The following HDLBP variants were observed in gnomAD, a reference collection of about 807,000 sequenced individuals.
HDLBP encodes the protein high density lipoprotein binding protein.
A neutral mutation model predicts 137.3 loss-of-function variants in HDLBP; 30 were observed. That is an observed-to-expected ratio of 0.22 (90% CI 0.16 to 0.30). The LOEUF (loss-of-function observed/expected upper bound fraction) is 0.30, where lower values mean the gene tolerates loss of function less well. Among genes scored for constraint, HDLBP ranks in the 10% least tolerant of loss-of-function variants. The pLI, the probability that HDLBP is intolerant of heterozygous loss-of-function variation, is 1.00. For missense variants in HDLBP, 1,119 were observed against 1,667.3 expected (o/e 0.67, Z 5.73); for synonymous variants, 606 against 596.0 (o/e 1.02, Z -0.24).
intron 21 of HDLBP, chr2:241,236,401 A>G: frequency 1.7e-6 from 1 of 584,114 alleles, no homozygotes; most frequent in Non-Finnish European, 3.0e-6. Context: ...GAAAGGGGCT[A>G]TAGAACCCCG....
At chr2:241,252,868 C>A in intron 11 of HDLBP, 89 bp downstream of exon 11, 1 of 848,546 alleles carries the variant, frequency 1.2e-6, no homozygotes, top group South Asian at 1.5e-5. Context: ...CCTGGACTGT[C>A]TGCACGGACG....
chr2:241,264,439 T>C lies in HDLBP; in HGVS notation c.234+9A>G. 6.4e-7 allele frequency: 1 copy of C among 1,570,664 alleles called. No homozygotes were observed. Among genetic ancestry groups the C allele is most frequent in the South Asian group, 1.2e-5 (1 of 85,942 alleles). ...ATAAAATTTTTAAAAGAAAGAATGG[T>C]GTTTCTACCTGAGTGATGACAGAAG... is the stretch of plus-strand genomic sequence containing the variant. On this transcript the variant is annotated intron_variant, in intron 4 of 27. Coordinates refer to ENST00000310931, the MANE Select transcript of HDLBP (RefSeq NM_005336.6).
At position 241,230,692 on chromosome 2, in the gene HDLBP, T is replaced by A; in HGVS notation, c.3474+67A>T. 1 of 1,417,328 alleles carries A rather than the reference T, an allele frequency of 7.1e-7. No homozygotes were observed. Among genetic ancestry groups the A allele is most frequent in the Non-Finnish European group, 9.8e-7 (1 of 1,015,978 alleles). The allele number at this position is 1,417,328 out of a possible 1,614,324, so 87.8% of individuals were successfully genotyped here. A position where few individuals can be genotyped will look rare whatever the true frequency, so the allele number is the denominator to read the frequency against. On this transcript the variant is annotated intron_variant, in intron 25 of 27. Coordinates refer to ENST00000310931, the MANE Select transcript of HDLBP (RefSeq NM_005336.6). This position sits in a 1 kb window ranked among gnomAD's most constrained non-coding sequence, Gnocchi z 5.0. The stretch of plus-strand genomic sequence containing the variant: ...GAGGGGAAGGCCATGCCCTGCTCTT[T>A]CTTCTGGCCAGCCAGGTGCCCCCGG...
rs2071966824 is a variant in HDLBP at position 241,249,698 on chromosome 2, G to T, written c.1512+143C>A. On this transcript the variant is annotated intron_variant, in intron 12 of 27. Transcript: ENST00000310931. ...GGAGGATAAAGGAAATGTGGCCCCA[G>T]GGAGTCCAATCCGGTTCCAGTGCAA... 12 of 738,898 alleles carry T rather than the reference G, an allele frequency of 1.6e-5. No homozygotes were observed. In the South Asian group the frequency reaches 2.2e-4, roughly 14 times the overall value. The allele number at this position is 738,898 out of a possible 1,614,324, so 45.8% of individuals were successfully genotyped here.
In HDLBP at chr2:241,245,557, T is replaced by C. The variant is rs188718813; in HGVS notation, c.1950+1195A>G. Among the ~76,000 whole-genome samples, 10 of 152,284 alleles carry C rather than the reference T, an allele frequency of 6.6e-5. No homozygotes were observed. In the East Asian group the frequency reaches 1.7e-3, roughly 26 times the overall value. On this transcript the variant is annotated intron_variant, in intron 16 of 27. Coordinates refer to ENST00000310931, the MANE Select transcript of HDLBP (RefSeq NM_005336.6). ...GGCTCACACCTGTAATCCCAGCAGT[T>C]TGGAAGGCCAAGGCGAGAGGATCAC...
At chr2:241,299,400 C>T (rs185507141) in intron 1 of HDLBP, among the ~76,000 whole-genome samples, 212 of 150,414 alleles carry the variant, frequency 1.4e-3, no homozygotes, top group Non-Finnish European at 2.7e-3. Context: ...ATCTGTAGTA[C>T]CAGCTACTCG....
Position 241,230,669 on chromosome 2 carries a change from G to T in HDLBP, c.3474+90C>A. 1 of 1,125,426 alleles carries T rather than the reference G, an allele frequency of 8.9e-7. No individual in the cohort carries two copies. The highest frequency in any genetic ancestry group is 1.3e-6 in the Non-Finnish European group (1 of 768,690). The allele number at this position is 1,125,426 out of a possible 1,614,324, so 69.7% of individuals were successfully genotyped here. On this transcript the variant is annotated intron_variant, in intron 25 of 27. Coordinates refer to ENST00000310931, the MANE Select transcript of HDLBP (RefSeq NM_005336.6). This position sits in a 1 kb window ranked among gnomAD's most constrained non-coding sequence, Gnocchi z 5.0. The stretch of plus-strand genomic sequence containing the variant: ...TGGGGTTGTGGCCTCATCATCTTGA[G>T]GGGAAGGCCATGCCCTGCTCTTTCT...
At chr2:241,303,365 C>T (rs2075456375) in intron 1 of HDLBP, among the ~76,000 whole-genome samples, 1 of 152,176 alleles carries the variant, frequency 6.6e-6, no homozygotes, top group Admixed American at 6.5e-5. Flanking sequence ...CCCAGCCCAC[C>T]CACACCATAC....
chr2:241,231,171 G>A (rs2069695994), intron 24 of HDLBP: 1 of 473,626 alleles, frequency 2.1e-6, no homozygotes, highest in African/African-American at 2.0e-5. Context: ...GATCACCTGA[G>A]GTCCGGAATT....
intron 1 of HDLBP, chr2:241,273,787 G>A (rs550846547): frequency 3.4e-5 from 13 of 377,676 alleles, no homozygotes; most frequent in East Asian, 1.7e-4. Flanking sequence ...GCCAGGCCAC[G>A]GGTGCTGTTG....
chr2:241,273,859 T>G (rs563104162), intron 1 of HDLBP, among the ~76,000 whole-genome samples: 1 of 150,708 alleles, frequency 6.6e-6, no homozygotes, highest in African/African-American at 2.4e-5. Flanking sequence ...CGTGTTTTTT[T>G]TTTTTTCGTG....
chr2:241,279,001 A>G (rs1171652611), intron 1 of HDLBP, among the ~76,000 whole-genome samples: 1 of 152,138 alleles, frequency 6.6e-6, no homozygotes, highest in African/African-American at 2.4e-5. Flanking sequence ...CTGCCGCGTG[A>G]GCAACAGCGT....
At chr2:241,274,580 T>C (rs952670315) in intron 1 of HDLBP, among the ~76,000 whole-genome samples, 3 of 152,078 alleles carry the variant, frequency 2.0e-5, no homozygotes, top group Non-Finnish European at 4.4e-5. Context: ...GAACTTCCAA[T>C]AAAGCTAGGA....
intron 5 of HDLBP, among the ~76,000 whole-genome samples, chr2:241,261,055 C>A (rs2073125821): frequency 6.6e-6 from 1 of 151,340 alleles, no homozygotes; most frequent in Middle Eastern, 3.4e-3. Flanking sequence ...AAAAGCCGGG[C>A]CTGATGGTGC....
intron 1 of HDLBP, among the ~76,000 whole-genome samples, chr2:241,275,561 C>CA (rs2074359912): frequency 6.6e-6 from 1 of 152,186 alleles, no homozygotes; most frequent in East Asian, 1.9e-4. Context: ...AATGATACAA[C>CA]ATTCTTCCCT....
chr2:241,313,081 C>T (rs577872298), intron 1 of HDLBP, among the ~76,000 whole-genome samples: 35 of 152,300 alleles, frequency 2.3e-4, no homozygotes, highest in African/African-American at 7.7e-4. Flanking sequence ...AACTCTTACT[C>T]GTCTTTTAAA....
intron 24 of HDLBP, 168 bp from the exon 25 acceptor site, chr2:241,231,112 C>T (rs933981887): frequency 1.1e-5 from 7 of 612,754 alleles, no homozygotes; most frequent in Middle Eastern, 4.4e-4. Flanking sequence ...GGGCCGGGCA[C>T]GGTGGCTCAC....
rs549998018 is a variant in HDLBP, at chr2:241,238,518, A to G, written c.2749+131T>C. Reference sequence around the variant, plus strand: ...CCAGGGAGTGACCCTGAACCTCTGGAAGCCCCCAGAATACATAGATGGTTT... The same window carrying G: ...CCAGGGAGTGACCCTGAACCTCTGGGAGCCCCCAGAATACATAGATGGTTT... On this transcript the variant is annotated intron_variant, in intron 20 of 27. Coordinates refer to ENST00000310931, the MANE Select transcript of HDLBP (RefSeq NM_005336.6). This position sits in a 1 kb window ranked among gnomAD's most constrained non-coding sequence, Gnocchi z 4.9. The G allele has an allele frequency of 1.0e-5, 7 of 687,430 alleles. No individual in the cohort carries two copies. The South Asian group carries it at 2.0e-4, about 20-fold the overall frequency. The allele number at this position is 687,430 out of a possible 1,614,324, so 42.6% of individuals were successfully genotyped here.
In HDLBP at chr2:241,247,151, C is replaced by T; in HGVS notation, c.1732-9G>A. 2.6e-6 allele frequency: 4 copies of T among 1,564,410 alleles called. No individual in the cohort carries two copies. The highest frequency in any genetic ancestry group is 3.5e-6 in the Non-Finnish European group (4 of 1,134,692). Reference sequence around the variant, plus strand: ...GAATAGCTATTTTCCACCTTAAAGACAAAAAACACAGCCCGATTCACCACC... The same window carrying T: ...GAATAGCTATTTTCCACCTTAAAGATAAAAAACACAGCCCGATTCACCACC... On this transcript the variant is annotated splice_polypyrimidine_tract_variant and intron_variant, in intron 14 of 27. Coordinates refer to ENST00000310931, the MANE Select transcript of HDLBP (RefSeq NM_005336.6).
Sources: allele counts gnomAD v4.1 joint callset (sites outside exome capture counted in the v4.1 genomes callset), GRCh38; gene constraint gnomAD v4.1.1; non-coding constraint Gnocchi (gnomAD v3.1); transcripts MANE v1.5; gene names NCBI Gene and HGNC (gene_info 2026-07-23, HGNC 2026-07-21).